ITSN1: variants seen among roughly 807,000 people sequenced by gnomAD.
ITSN1 encodes intersectin-1.
In ITSN1, 58 loss-of-function variants were observed where a neutral mutation model predicts 239.8. That is an observed-to-expected ratio of 0.24 (90% CI 0.20 to 0.30). The LOEUF is 0.30. ITSN1 is among the 10% of genes least tolerant of loss of function. ITSN1 has a pLI of 1.00. For synonymous variants in ITSN1, 780 were observed against 770.8 expected, an observed-to-expected ratio of 1.01 and a Z score of -0.20; for missense variants, 1,558 against 2,103.3, an observed-to-expected ratio of 0.74 and a Z score of 5.07.
rs1716820021 is a variant in ITSN1 at position 33,889,558 on chromosome 21, G to A, written c.*1258G>A. 6.6e-6 allele frequency: 1 copy of A among 152,162 alleles called. No homozygotes were observed. Among genetic ancestry groups the A allele is most frequent in the Non-Finnish European group, 1.5e-5 (1 of 68,024 alleles). The allele number at this position is 152,162 out of a possible 1,614,324, so 9.4% of individuals were successfully genotyped here. ...TCCCTTAAATGCCAGGAGATCATCT[G>A]GTTAGTTAGATAGTAACTTGATTTG... is the stretch of plus-strand genomic sequence containing the variant. On this transcript the variant is annotated 3_prime_UTR_variant, in exon 40 of 40. Transcript: ENST00000381318.
chr21:33,840,559 A>G (rs1393599868), intron 29 of ITSN1, among the ~76,000 whole-genome samples: 1 of 151,964 alleles, frequency 6.6e-6, no homozygotes, highest in Non-Finnish European at 1.5e-5. Flanking sequence ...ACAGGGTTTC[A>G]CCATGTTGGC....
intron 28 of ITSN1, among the ~76,000 whole-genome samples, chr21:33,835,126 T>C (rs1418564131): frequency 6.6e-6 from 1 of 152,242 alleles, no homozygotes; most frequent in Non-Finnish European, 1.5e-5. Context: ...TTTGTTCCAA[T>C]ACCTTGTGGT....
chr21:33,751,458 G>C (rs766287500), intron 6 of ITSN1, among the ~76,000 whole-genome samples: 1 of 152,138 alleles, frequency 6.6e-6, no homozygotes, highest in Non-Finnish European at 1.5e-5. Flanking sequence ...TAATACTTCA[G>C]CTCCTTCAGT....
intron 5 of ITSN1, among the ~76,000 whole-genome samples, chr21:33,739,572 T>C (rs1489538558): frequency 1.3e-5 from 2 of 151,764 alleles, no homozygotes; most frequent in Non-Finnish European, 2.9e-5. Context: ...TAAAACAGAG[T>C]AATAGTAGAG....
At chr21:33,761,680 C>G (rs1015722830) in intron 8 of ITSN1, among the ~76,000 whole-genome samples, 1 of 152,150 alleles carries the variant, frequency 6.6e-6, no homozygotes, top group African/African-American at 2.4e-5. Flanking sequence ...CATGGTCATT[C>G]TTTATCAAAC....
rs1247114585 is a variant in ITSN1 at position 33,886,303 on chromosome 21, C to T, written c.4860C>T (p.Tyr1620=). Residue 1620 remains tyrosine, a synonymous_variant, in exon 39 of 40, where the codon TAC becomes TAT. Transcript: ENST00000381318. ...TCCCTCCAGGAAAGAGCAACCCGTACTGTGAGGTGACCATGGGTTCCCAGT... is the reference window on the plus strand; with the variant it reads ...TCCCTCCAGGAAAGAGCAACCCGTATTGTGAGGTGACCATGGGTTCCCAGT... ...PCRSHGKSNP[Y]CEVTMGSQCH... is the part of the protein sequence containing the mutation. The T allele has an allele frequency of 5.6e-6, 9 of 1,613,760 alleles. No homozygotes were observed. The highest frequency in any genetic ancestry group is 1.3e-5 in the African/African-American group (1 of 74,874).
At chr21:33,840,090 G>T (rs577635802) in intron 29 of ITSN1, among the ~76,000 whole-genome samples, 1 of 152,150 alleles carries the variant, frequency 6.6e-6, no homozygotes, top group African/African-American at 2.4e-5. Context: ...AGCTCATGTC[G>T]TGTATCTGCA....
At chr21:33,669,064 G>A (rs956645833) in intron 1 of ITSN1, among the ~76,000 whole-genome samples, 1 of 152,188 alleles carries the variant, frequency 6.6e-6, no homozygotes, top group Admixed American at 6.5e-5. Context: ...TTGTTTATGT[G>A]TTCCAGAAAC....
At chr21:33,812,983 CTT>C (rs1046565183) in intron 21 of ITSN1, among the ~76,000 whole-genome samples, 1 of 149,004 alleles carries the variant, frequency 6.7e-6, no homozygotes, top group African/African-American at 2.5e-5. Context: ...TGGCATGTAG[CTT>C]TTTTTTTTCT....
At chr21:33,854,465 C>G (rs914271324) in intron 29 of ITSN1, among the ~76,000 whole-genome samples, 1 of 152,212 alleles carries the variant, frequency 6.6e-6, no homozygotes, top group Non-Finnish European at 1.5e-5. Context: ...GGCCCGGGCC[C>G]TTTCACTCAC....
At chr21:33,748,911 A>C (rs1411622243) in intron 5 of ITSN1, among the ~76,000 whole-genome samples, 1 of 152,050 alleles carries the variant, frequency 6.6e-6, no homozygotes, top group African/African-American at 2.4e-5. Flanking sequence ...GCATTTAAAC[A>C]CTAAAATTTA....
intron 33 of ITSN1, among the ~76,000 whole-genome samples, chr21:33,867,758 C>T (rs979947966): frequency 1.3e-5 from 2 of 151,970 alleles, no homozygotes; most frequent in African/African-American, 2.4e-5. Flanking sequence ...CTTAAGGTGG[C>T]GCGTCTGGAG....
At chr21:33,702,091 A>C (rs2092037814) in intron 1 of ITSN1, among the ~76,000 whole-genome samples, 3 of 142,594 alleles carry the variant, frequency 2.1e-5, no homozygotes, top group African/African-American at 8.0e-5. Context: ...ACAAACAAAA[A>C]AATTTTTTTT....
At chr21:33,801,618 G>A (rs1254974886) in intron 19 of ITSN1, among the ~76,000 whole-genome samples, 1 of 152,000 alleles carries the variant, frequency 6.6e-6, no homozygotes, top group African/African-American at 2.4e-5. Context: ...CCACCACACC[G>A]AGCTAATTTT....
At chr21:33,884,865 C>T (rs953007372) in intron 36 of ITSN1, among the ~76,000 whole-genome samples, 176 bp from the exon 37 acceptor site, 5 of 152,170 alleles carry the variant, frequency 3.3e-5, no homozygotes, top group Non-Finnish European at 4.4e-5. Context: ...CCTTTCTTAT[C>T]GATGGCAGGA....
intron 1 of ITSN1, among the ~76,000 whole-genome samples, chr21:33,647,162 T>C (rs1371258952): frequency 6.6e-6 from 1 of 152,196 alleles, no homozygotes; most frequent in Non-Finnish European, 1.5e-5. Context: ...AAATATAGTT[T>C]ATGATGAGCA....
chr21:33,831,800 T>A (rs1223263295), intron 27 of ITSN1, among the ~76,000 whole-genome samples: 2 of 152,176 alleles, frequency 1.3e-5, no homozygotes, highest in South Asian at 2.1e-4. Flanking sequence ...CTGGAGAGTT[T>A]GCTGATGGAC....
chr21:33,768,205 C>T (rs550152658), intron 11 of ITSN1, among the ~76,000 whole-genome samples: 2 of 152,240 alleles, frequency 1.3e-5, no homozygotes, highest in East Asian at 3.9e-4. Context: ...CTGTTGTTTT[C>T]TCATGTTGTT....
At chr21:33,666,888 A>C (rs936913627) in intron 1 of ITSN1, among the ~76,000 whole-genome samples, 3 of 152,064 alleles carry the variant, frequency 2.0e-5, no homozygotes, top group Admixed American at 2.0e-4. Flanking sequence ...TGCAGCCTCG[A>C]CTTCTGGGCA....
Sources: allele counts gnomAD v4.1 joint callset (sites outside exome capture counted in the v4.1 genomes callset), GRCh38; gene constraint gnomAD v4.1.1; transcripts MANE v1.5; gene names NCBI Gene and HGNC (gene_info 2026-07-23, HGNC 2026-07-21).